Variants in CALN1 observed in about 807,000 individuals in gnomAD.
CALN1 encodes calneuron 1, also known as calcium-binding protein 8.
Under a neutral mutation model 30.6 loss-of-function variants are expected in CALN1, and 17 were observed. The observed-to-expected ratio is 0.56, with a 90% CI of 0.38 to 0.83. The LOEUF is 0.83. CALN1 is among the 40% of genes least tolerant of loss of function. The pLI, the probability that CALN1 is intolerant of heterozygous loss-of-function variation, is 0.00. For synonymous variants in CALN1, 156 were observed against 131.4 expected (o/e 1.19, Z -1.28); for missense variants, 291 against 354.9 (o/e 0.82, Z 1.45).
chr7:72,294,779 A>AATAAATAAATAAATAC (rs1230069554), intron 2 of CALN1, among the ~76,000 whole-genome samples: 3 of 146,280 alleles, frequency 2.1e-5, no homozygotes, highest in East Asian at 1.9e-4. Flanking sequence ...TAAATAAATA[A>AATAAATAAATAAATAC]ATACAGATTT....
At chr7:72,297,363 A>G (rs1798937174) in intron 2 of CALN1, among the ~76,000 whole-genome samples, 1 of 152,208 alleles carries the variant, frequency 6.6e-6, no homozygotes, top group Non-Finnish European at 1.5e-5. Context: ...TAATTTGAAA[A>G]AGCTAGTTCT....
intron 4 of CALN1, among the ~76,000 whole-genome samples, chr7:72,096,963 G>A (rs1048371985): frequency 6.6e-6 from 1 of 152,100 alleles, no homozygotes; most frequent in Non-Finnish European, 1.5e-5. Context: ...CATACACCAC[G>A]GAATACTATG....
chr7:71,938,699 G>A (rs1018842576), intron 5 of CALN1, among the ~76,000 whole-genome samples: 1 of 152,110 alleles, frequency 6.6e-6, no homozygotes, highest in African/African-American at 2.4e-5. Context: ...GGAGCCTGAG[G>A]CAGGAGAATC....
intron 3 of CALN1, among the ~76,000 whole-genome samples, chr7:72,215,561 T>C (rs551684677): frequency 7.2e-5 from 10 of 138,536 alleles, no homozygotes; most frequent in African/African-American, 2.5e-4. Context: ...GCCACTGCAC[T>C]CTAGCTGGGT....
chr7:71,864,100 G>C (rs532831514), intron 5 of CALN1, among the ~76,000 whole-genome samples: 19 of 150,724 alleles, frequency 1.3e-4, no homozygotes, highest in African/African-American at 4.7e-4. Context: ...CCTCCCCCCC[G>C]ATTACAATTC....
the CALN1 span, among the ~76,000 whole-genome samples, chr7:72,488,202 CA>C: frequency 5.3e-5 from 8 of 150,620 alleles, no homozygotes; most frequent in Admixed American, 1.3e-4. Context: ...CCTATCTGTA[CA>C]AAAAAAAATT....
chr7:72,141,794 C>T (rs1188082569), intron 3 of CALN1, among the ~76,000 whole-genome samples: 1 of 152,122 alleles, frequency 6.6e-6, no homozygotes, highest in Non-Finnish European at 1.5e-5. Flanking sequence ...GTCTCCAACT[C>T]CTGACCTCAG....
At chr7:71,935,154 G>C (rs950779185) in intron 5 of CALN1, among the ~76,000 whole-genome samples, 2 of 150,836 alleles carry the variant, frequency 1.3e-5, no homozygotes, top group South Asian at 4.2e-4. Flanking sequence ...TAAGGATCTA[G>C]AGTAGATGAA....
chr7:71,796,358 C>CT (rs35184000), intron 6 of CALN1, among the ~76,000 whole-genome samples: 1,899 of 130,174 alleles, frequency 0.015, 30 homozygotes, highest in African/African-American at 0.029. Flanking sequence ...ATGTTTCTTT[C>CT]TTTTTTTTTT....
intron 5 of CALN1, chr7:71,942,198 A>G (rs867801336): frequency 3.5e-5 from 6 of 170,996 alleles, no homozygotes; most frequent in Admixed American, 1.2e-4. Flanking sequence ...TCTCTGTCTC[A>G]AAAACGAAAA....
chr7:71,921,153 A>G (rs796245758), intron 5 of CALN1, among the ~76,000 whole-genome samples: 6 of 152,264 alleles, frequency 3.9e-5, no homozygotes, highest in African/African-American at 1.4e-4. Context: ...GAGTTGAACA[A>G]TGAGAACATA....
intron 4 of CALN1, among the ~76,000 whole-genome samples, chr7:72,074,978 G>A (rs1036938333): frequency 1.3e-5 from 2 of 152,164 alleles, no homozygotes; most frequent in African/African-American, 4.8e-5. Context: ...AACAAAGAAT[G>A]GAAGCATTAC....
At chr7:72,100,563 A>C (rs1806579889) in intron 4 of CALN1, among the ~76,000 whole-genome samples, 1 of 152,122 alleles carries the variant, frequency 6.6e-6, no homozygotes, top group African/African-American at 2.4e-5. Flanking sequence ...TCATGCCTGT[A>C]ATCCCAGAAC....
At position 72,205,571 on chromosome 7, in the gene CALN1, T is replaced by C. The variant is rs1168281852; in HGVS notation, c.244+73115A>G. Among the ~76,000 whole-genome samples, 189 of 122,350 alleles carry C rather than the reference T, an allele frequency of 1.5e-3. 28 individuals carry two copies. The highest frequency in any genetic ancestry group is 5.6e-3 in the African/African-American group (158 of 27,994). 80.3% of individuals were successfully genotyped at this position (122,350 alleles called of 152,430 possible). A position where few individuals can be genotyped will look rare whatever the true frequency, so the allele number is the denominator to read the frequency against. On this transcript the variant is annotated intron_variant, in intron 3 of 6. Transcript: ENST00000395275. Reference sequence around the variant, plus strand: ...AAAAAAATATATATATATATATGTATATATATATATATATATTCAGGAGAA... The same window carrying C: ...AAAAAAATATATATATATATATGTACATATATATATATATATTCAGGAGAA...
rs1562939177 is a variant in CALN1 at position 72,387,297 on chromosome 7, G to GAA, written c.119+15953_119+15954insTT. Among the ~76,000 whole-genome samples the GAA allele has an allele frequency of 2.0e-3, 250 of 123,120 alleles. 8 individuals are homozygous for GAA. The highest frequency in any genetic ancestry group is 4.3e-3 in the African/African-American group (136 of 31,440). The allele number at this position is 123,120 out of a possible 152,430, so 80.8% of individuals were successfully genotyped here. A position where few individuals can be genotyped will look rare whatever the true frequency, so the allele number is the denominator to read the frequency against. The stretch of plus-strand genomic sequence containing the variant: ...GGAAGGGAGGGAGGGAGGGAGGGAG[G>GAA]GAGGGAGGGAGGCAGGCATCTCCCA... On this transcript the variant is annotated intron_variant, in intron 2 of 6. Coordinates refer to ENST00000395275, the MANE Select transcript of CALN1 (RefSeq NM_031468.4).
At chr7:72,377,640 GTAT>G (rs1357475835) in intron 2 of CALN1, among the ~76,000 whole-genome samples, 3 of 152,122 alleles carry the variant, frequency 2.0e-5, no homozygotes, top group African/African-American at 7.2e-5. Context: ...TGTAAAGTCT[GTAT>G]TATTTGTCGT....
At chr7:71,859,731 T>C (rs1374901834) in intron 5 of CALN1, among the ~76,000 whole-genome samples, 3 of 152,190 alleles carry the variant, frequency 2.0e-5, no homozygotes, top group Non-Finnish European at 2.9e-5. Context: ...AGCTGTAGGA[T>C]GGAAAATCCA....
chr7:72,118,626 A>G (rs1027836051), intron 3 of CALN1, among the ~76,000 whole-genome samples: 6 of 152,208 alleles, frequency 3.9e-5, no homozygotes, highest in Non-Finnish European at 8.8e-5. Flanking sequence ...CAAACAAAGA[A>G]AGCCCAGCCC....
At chr7:71,890,573 AATT>A (rs1439039005) in intron 5 of CALN1, among the ~76,000 whole-genome samples, 8 of 152,044 alleles carry the variant, frequency 5.3e-5, no homozygotes, top group African/African-American at 1.9e-4. Flanking sequence ...AAATAGAAAA[AATT>A]ATTAAGAAGA....
Sources: allele counts gnomAD v4.1 joint callset (sites outside exome capture counted in the v4.1 genomes callset), GRCh38; gene constraint gnomAD v4.1.1; transcripts MANE v1.5; gene names NCBI Gene and HGNC (gene_info 2026-07-23, HGNC 2026-07-21).